CTNND2: variants seen among roughly 807,000 people sequenced by gnomAD.
CTNND2 encodes catenin delta 2.
A neutral mutation model predicts 144.4 loss-of-function variants in CTNND2; 22 were observed. The observed-to-expected ratio is 0.15, with a 90% confidence interval of 0.11 to 0.22. The LOEUF (loss-of-function observed/expected upper bound fraction) is 0.22, where lower values mean the gene tolerates loss of function less well. Among genes scored for constraint, CTNND2 ranks in the 10% least tolerant of loss-of-function variants. CTNND2 has a pLI of 1.00. For synonymous variants in CTNND2, 751 were observed against 695.6 expected (o/e 1.08, Z -1.25); for missense variants, 1,353 against 1,618.8 (o/e 0.84, Z 2.82).
chr5:11,273,642 A>G (rs537942237), intron 9 of CTNND2, among the ~76,000 whole-genome samples: 1 of 152,316 alleles, frequency 6.6e-6, no homozygotes, highest in East Asian at 1.9e-4. Flanking sequence ...CTTAATAAGC[A>G]TTGCAGGGAG....
chr5:11,606,129 T>C (rs1007928086), intron 2 of CTNND2, among the ~76,000 whole-genome samples: 2 of 152,086 alleles, frequency 1.3e-5, no homozygotes, highest in South Asian at 2.1e-4. Context: ...GGAATACAAG[T>C]GGACTCCGGA....
intron 3 of CTNND2, among the ~76,000 whole-genome samples, chr5:11,560,193 T>C: frequency 6.6e-6 from 1 of 152,322 alleles, no homozygotes; most frequent in East Asian, 1.9e-4. Flanking sequence ...ACTGCTGGCC[T>C]CACTCTTTAT....
chr5:11,113,888 T>C (rs1178624462), intron 13 of CTNND2, among the ~76,000 whole-genome samples: 1 of 152,194 alleles, frequency 6.6e-6, no homozygotes, highest in Non-Finnish European at 1.5e-5. Flanking sequence ...CTGTACTTAT[T>C]ACCGAGGGCA....
intron 3 of CTNND2, among the ~76,000 whole-genome samples, chr5:11,413,371 C>G (rs1761691956): frequency 6.6e-6 from 1 of 152,034 alleles, no homozygotes; most frequent in Non-Finnish European, 1.5e-5. Flanking sequence ...AAAGTAGTCC[C>G]ATCTTATTAT....
intron 9 of CTNND2, among the ~76,000 whole-genome samples, chr5:11,304,470 A>G (rs1035999416): frequency 2.0e-5 from 3 of 152,128 alleles, no homozygotes; most frequent in Admixed American, 2.0e-4. Context: ...TCAGCAATGC[A>G]TTTCATTCCT....
intron 1 of CTNND2, among the ~76,000 whole-genome samples, chr5:11,872,639 G>T (rs1735229056): frequency 6.6e-6 from 1 of 151,614 alleles, no homozygotes; most frequent in Admixed American, 6.6e-5. Flanking sequence ...GACCAGTGAT[G>T]ATGAGCTTTT....
chr5:11,531,885 A>G (rs907059805), intron 3 of CTNND2, among the ~76,000 whole-genome samples: 1 of 152,180 alleles, frequency 6.6e-6, no homozygotes, highest in Non-Finnish European at 1.5e-5. Context: ...AGCACTTTTT[A>G]TATTTTATTT....
chr5:11,123,925 C>T (rs937325486), intron 12 of CTNND2, among the ~76,000 whole-genome samples: 2 of 152,316 alleles, frequency 1.3e-5, no homozygotes, highest in South Asian at 4.1e-4. Context: ...CCATGGCCCC[C>T]ACACACACCA....
At chr5:11,826,922 G>C (rs533258563) in intron 1 of CTNND2, among the ~76,000 whole-genome samples, 1 of 151,962 alleles carries the variant, frequency 6.6e-6, no homozygotes, top group East Asian at 1.9e-4. Flanking sequence ...AAAAGCAGTA[G>C]ACAGAAAACT....
At chr5:11,391,587 C>T (rs1581095521) in intron 6 of CTNND2, among the ~76,000 whole-genome samples, 2 of 152,334 alleles carry the variant, frequency 1.3e-5, no homozygotes, top group Admixed American at 1.3e-4. Flanking sequence ...TTCAAATCGT[C>T]TTCCAAAGGA....
chr5:11,091,115 T>C (rs890695673), intron 15 of CTNND2, among the ~76,000 whole-genome samples: 2 of 152,154 alleles, frequency 1.3e-5, no homozygotes, highest in African/African-American at 4.8e-5. Context: ...TCTTCCTCCT[T>C]TCTCTGTCCT....
At chr5:11,720,090 A>C (rs1786582423) in intron 2 of CTNND2, among the ~76,000 whole-genome samples, 1 of 152,152 alleles carries the variant, frequency 6.6e-6, no homozygotes, top group African/African-American at 2.4e-5. Flanking sequence ...CCACTGGTCA[A>C]AAGGTCTGTC....
At position 11,213,818 on chromosome 5, in the gene CTNND2, C is replaced by CAT. The variant is rs60072994; in HGVS notation, c.1762-14159_1762-14158dup. 2.5e-3 allele frequency among the ~76,000 whole-genome samples: 375 copies of CAT among 150,282 alleles called. 2 individuals carry two copies. The highest frequency in any genetic ancestry group is 9.3e-3 in the South Asian group (44 of 4,754). On this transcript the variant is annotated intron_variant, in intron 10 of 21. Transcript: ENST00000304623. ...ACGCATGCCGATAATTTTATATGCA[C>CAT]ATATATATATATATAGTATAATGTC... is the stretch of plus-strand genomic sequence containing the variant.
intron 3 of CTNND2, among the ~76,000 whole-genome samples, chr5:11,451,002 A>T (rs1208169890): frequency 6.6e-6 from 1 of 151,526 alleles, no homozygotes; most frequent in Admixed American, 6.6e-5. Context: ...TTTATCAATT[A>T]TAGAGTGAAT....
intron 21 of CTNND2, among the ~76,000 whole-genome samples, chr5:10,977,682 A>C (rs1215640680): frequency 6.6e-6 from 1 of 152,160 alleles, no homozygotes; most frequent in Non-Finnish European, 1.5e-5. Flanking sequence ...TGAACTCCTG[A>C]GCTCAAGCGA....
chr5:11,790,330 G>T (rs1239492465), intron 1 of CTNND2, among the ~76,000 whole-genome samples: 1 of 152,096 alleles, frequency 6.6e-6, no homozygotes, highest in Admixed American at 6.5e-5. Context: ...GCTTGTTGCT[G>T]TTCATTAGAA....
intron 2 of CTNND2, among the ~76,000 whole-genome samples, chr5:11,706,886 C>T (rs971819917): frequency 2.0e-5 from 3 of 151,838 alleles, no homozygotes; most frequent in African/African-American, 7.3e-5. Context: ...GAGATCGAGA[C>T]CATCCTGGCT....
At chr5:11,493,932 T>A (rs997442899) in intron 3 of CTNND2, among the ~76,000 whole-genome samples, 1 of 150,934 alleles carries the variant, frequency 6.6e-6, no homozygotes, top group African/African-American at 2.4e-5. Flanking sequence ...GTAGCTGCGA[T>A]AATTTAGAAT....
At chr5:11,614,480 T>C (rs1427101062) in intron 2 of CTNND2, among the ~76,000 whole-genome samples, 1 of 152,220 alleles carries the variant, frequency 6.6e-6, no homozygotes, top group Admixed American at 6.5e-5. Flanking sequence ...TAGACAACCA[T>C]TTTGGAAAAT....
Sources: allele counts gnomAD v4.1 joint callset (sites outside exome capture counted in the v4.1 genomes callset), GRCh38; gene constraint gnomAD v4.1.1; transcripts MANE v1.5; gene names NCBI Gene and HGNC (gene_info 2026-07-23, HGNC 2026-07-21).